Variants in MAOB observed in about 807,000 individuals in gnomAD.
MAOB encodes monoamine oxidase B.
MAOB carries 15 observed loss-of-function variants against 41.9 expected under a neutral mutation model. That is an observed-to-expected ratio of 0.36 (90% CI 0.24 to 0.55). The LOEUF is 0.55. Among genes scored for constraint, MAOB ranks in the 20% least tolerant of loss-of-function variants. MAOB has a pLI of 0.86. For missense variants in MAOB, 345 were observed against 398.7 expected, an observed-to-expected ratio of 0.87 and a Z score of 1.15; for synonymous variants, 167 against 144.2, an observed-to-expected ratio of 1.16 and a Z score of -1.13.
chrX:43,793,059 C>CAT (rs1278001959), intron 8 of MAOB, among the ~76,000 whole-genome samples: 1 of 111,989 alleles, frequency 8.9e-6, no homozygotes, highest in East Asian at 2.8e-4. Flanking sequence ...GACTATTATC[C>CAT]TAAGTGAATC....
At chrX:43,859,409 T>C (rs1316693310) in intron 1 of MAOB, among the ~76,000 whole-genome samples, 1 of 112,030 alleles carries the variant, frequency 8.9e-6, no homozygotes, top group Admixed American at 9.5e-5. Flanking sequence ...TTTTGAGCAA[T>C]AGTTTTTAAT....
chrX:43,846,909 G>T (rs1050240052), intron 1 of MAOB, among the ~76,000 whole-genome samples: 7 of 111,760 alleles, frequency 6.3e-5, no homozygotes, highest in African/African-American at 2.3e-4. Flanking sequence ...GAAAATTTTT[G>T]AGTGCAATAC....
At chrX:43,778,633 A>G in intron 11 of MAOB, 49 bp downstream of exon 11, 1 of 1,036,015 alleles carries the variant, frequency 9.7e-7, no homozygotes, top group Non-Finnish European at 1.3e-6. Context: ...TCACTTGGGG[A>G]CAAAGAAAGG....
At chrX:43,820,785 T>C (rs2034870986) in intron 3 of MAOB, among the ~76,000 whole-genome samples, 1 of 112,251 alleles carries the variant, frequency 8.9e-6, no homozygotes, top group African/African-American at 3.2e-5. Flanking sequence ...ATATAATGCA[T>C]ACACATCTCA....
At chrX:43,857,128 G>T (rs764676370) in intron 1 of MAOB, among the ~76,000 whole-genome samples, 565 of 19,931 alleles carry the variant, frequency 0.028, 3 homozygotes, top group East Asian at 0.034. Context: ...GAGAGAGAGA[G>T]AGAGAGAGAG....
At chrX:43,774,993 T>G (rs1039890409) in intron 12 of MAOB, among the ~76,000 whole-genome samples, 182 bp downstream of exon 12, 11 of 110,306 alleles carry the variant, frequency 1.0e-4, no homozygotes, top group African/African-American at 1.6e-4. Context: ...GTATGTATAA[T>G]TATAATGATT....
chrX:43,781,414 G>T, intron 9 of MAOB, 34 bp downstream of exon 9: 1 of 902,820 alleles, frequency 1.1e-6, no homozygotes, highest in Non-Finnish European at 1.5e-6. Context: ...TGTCAACACT[G>T]AATAGCAGCC....
chrX:43,880,051 T>A (rs1171931977), intron 1 of MAOB, among the ~76,000 whole-genome samples: 1 of 112,180 alleles, frequency 8.9e-6, no homozygotes, highest in Non-Finnish European at 1.9e-5. Flanking sequence ...TCCCTAGAAT[T>A]TTTTATATGC....
intron 1 of MAOB, among the ~76,000 whole-genome samples, chrX:43,863,434 G>A (rs1602033060): frequency 8.9e-6 from 1 of 111,738 alleles, no homozygotes; most frequent in Non-Finnish European, 1.9e-5. Context: ...ATATAAATGT[G>A]TGGTACACGT....
intron 11 of MAOB, among the ~76,000 whole-genome samples, chrX:43,776,828 T>C (rs1462795001): frequency 1.0e-5 from 1 of 97,701 alleles, no homozygotes; most frequent in Non-Finnish European, 2.0e-5. Context: ...TTCTCATTGT[T>C]CAATTCCCAC....
In MAOB at chrX:43,882,149, G is replaced by T. The variant is rs916430402; in HGVS notation, c.46+105C>A. 8.5e-5 allele frequency: 96 copies of T among 1,133,887 alleles called. No individual in the cohort carries two copies. In the Admixed American group the frequency reaches 1.0e-3, roughly 12 times the overall value. The allele number at this position is 1,133,887 out of a possible 1,213,427, so 93.4% of individuals were successfully genotyped here. A position where few individuals can be genotyped will look rare whatever the true frequency, so the allele number is the denominator to read the frequency against. On this transcript the variant is annotated intron_variant, in intron 1 of 14. Transcript: ENST00000378069. ...CCTGCCCGTGCGTGGACAGTCTGGG[G>T]ACTCCAGGGTCAGCCCCTGCCCCAC...
chrX:43,851,251 G>A (rs2035250031), intron 1 of MAOB, among the ~76,000 whole-genome samples: 1 of 111,727 alleles, frequency 9.0e-6, no homozygotes, highest in Non-Finnish European at 1.9e-5. Context: ...GGGAATTAGA[G>A]GAAGTGTGTA....
intron 3 of MAOB, 56 bp downstream of exon 3, chrX:43,838,812 G>C: frequency 9.4e-7 from 1 of 1,067,050 alleles, no homozygotes; most frequent in Non-Finnish European, 1.2e-6. Context: ...TGGAATTTGT[G>C]TAAGGAAACA....
intron 1 of MAOB, chrX:43,850,307 G>A: frequency 1.4e-6 from 1 of 722,585 alleles, no homozygotes; most frequent in Non-Finnish European, 1.6e-6. Flanking sequence ...AACTTTCTTG[G>A]AAAGAATATG....
At chrX:43,857,084 A>AGT (rs2035295047) in intron 1 of MAOB, among the ~76,000 whole-genome samples, 1 of 22,729 alleles carries the variant, frequency 4.4e-5, no homozygotes, top group African/African-American at 2.2e-4. Flanking sequence ...CTATTCTTTA[A>AGT]ATATATATAT....
chrX:43,773,667 G>A, intron 12 of MAOB, among the ~76,000 whole-genome samples: 1 of 112,181 alleles, frequency 8.9e-6, no homozygotes, highest in Non-Finnish European at 1.9e-5. Context: ...TTATGGGCGG[G>A]GGTCTTTCCT....
chrX:43,825,357 A>G (rs1460506030), intron 3 of MAOB, among the ~76,000 whole-genome samples: 2 of 110,976 alleles, frequency 1.8e-5, no homozygotes, highest in Non-Finnish European at 3.8e-5. Context: ...TCTGGCTGGA[A>G]CACTCTTACC....
chrX:43,797,288 C>A, intron 5 of MAOB, 22 bp from the exon 6 acceptor site: 1 of 1,121,302 alleles, frequency 8.9e-7, no homozygotes, highest in Non-Finnish European at 1.2e-6. Context: ...GAAACAAGAG[C>A]AAACTTGGCA....
chrX:43,795,481 C>T (rs1488225675), intron 7 of MAOB, among the ~76,000 whole-genome samples: 1 of 110,806 alleles, frequency 9.0e-6, no homozygotes, highest in African/African-American at 3.3e-5. Flanking sequence ...AAATCATTGG[C>T]CTCTGGTGAT....
Sources: gnomAD v4.1 joint callset for allele counts (sites outside exome capture counted in the v4.1 genomes callset) on GRCh38, gnomAD v4.1.1 for gene constraint, MANE v1.5 for transcripts, NCBI Gene and HGNC (gene_info 2026-07-23, HGNC 2026-07-21) for gene names.